Variants in KRIT1 observed in about 807,000 individuals in gnomAD.
KRIT1 encodes krev interaction trapped protein 1.
In KRIT1, 45 loss-of-function variants were observed where a neutral mutation model predicts 95.8. The observed-to-expected ratio is 0.47, with a 90% CI of 0.37 to 0.60. The LOEUF is 0.60. Among genes scored for constraint, KRIT1 ranks in the 20% least tolerant of loss-of-function variants. KRIT1 has a pLI of 0.00. For synonymous variants in KRIT1, 282 were observed against 278.8 expected, an observed-to-expected ratio of 1.01 and a Z score of -0.11; for missense variants, 788 against 877.5, an observed-to-expected ratio of 0.90 and a Z score of 1.29.
chr7:92,220,196 G>A (rs886328006), intron 14 of KRIT1, among the ~76,000 whole-genome samples: 7 of 152,086 alleles, frequency 4.6e-5, no homozygotes, highest in Non-Finnish European at 1.0e-4. Flanking sequence ...TGAGAAGTTC[G>A]CTTGTATTCC....
chr7:92,210,225 T>C (rs1159604948), intron 17 of KRIT1, among the ~76,000 whole-genome samples: 1 of 152,054 alleles, frequency 6.6e-6, no homozygotes, highest in Non-Finnish European at 1.5e-5. Flanking sequence ...AGATTCCAAA[T>C]AGCCAAACCA....
intron 17 of KRIT1, chr7:92,203,933 T>C (rs544070165): frequency 2.6e-5 from 4 of 152,486 alleles, no homozygotes; most frequent in Middle Eastern, 4.2e-3. Flanking sequence ...GTGGGCAAAA[T>C]AGTTTTAACA....
intron 17 of KRIT1, chr7:92,206,566 C>T (rs1329961156): frequency 6.6e-6 from 1 of 151,382 alleles, no homozygotes; most frequent in African/African-American, 2.4e-5. Context: ...ACTATAGCTA[C>T]ATCTACAGGA....
At chr7:92,207,749 C>A (rs1403860762) in intron 17 of KRIT1, among the ~76,000 whole-genome samples, 1 of 152,088 alleles carries the variant, frequency 6.6e-6, no homozygotes, top group Non-Finnish European at 1.5e-5. Context: ...CCCAGCTACT[C>A]AGGAGGCTAA....
In KRIT1 at chr7:92,235,391, T is replaced by C; in HGVS notation, c.729+12A>G. 1.9e-6 allele frequency: 3 copies of C among 1,613,322 alleles called. No homozygotes were observed. Among genetic ancestry groups the C allele is most frequent in the Non-Finnish European group, 2.5e-6 (3 of 1,179,526 alleles). On this transcript the variant is annotated intron_variant, in intron 8 of 18. Coordinates refer to ENST00000394505, the MANE Select transcript of KRIT1 (RefSeq NM_194454.3). ...TCTTTTAAATCAGAGCTAAAATTCA[T>C]TCAACTCTTACCCGATTTGTATACT...
At chr7:92,206,142 C>T in intron 17 of KRIT1, 1 of 153,214 alleles carries the variant, frequency 6.5e-6, no homozygotes, top group Non-Finnish European at 1.5e-5. Flanking sequence ...CCTAAGCATG[C>T]CATCTAAGGG....
At chr7:92,224,088 CGT>C (rs1795727044) in intron 12 of KRIT1, among the ~76,000 whole-genome samples, 7 of 152,050 alleles carry the variant, frequency 4.6e-5, no homozygotes. Flanking sequence ...AAAATGCGTG[CGT>C]GTGTGGTATG....
downstream of KRIT1, chr7:92,199,228 T>A (rs939862469): frequency 1.3e-5 from 2 of 152,216 alleles, no homozygotes; most frequent in Non-Finnish European, 2.9e-5. Context: ...GAATCAAAAG[T>A]ACCTAGCACA....
rs991503999 is a variant in KRIT1 at position 92,244,118 on chromosome 7, G to A, written c.-119C>T. 3 of 151,956 alleles carry A rather than the reference G, an allele frequency of 2.0e-5. No homozygotes were observed. The highest frequency in any genetic ancestry group is 4.8e-5 in the African/African-American group (2 of 41,374). 9.4% of individuals were successfully genotyped at this position (151,956 alleles called of 1,614,324 possible). On this transcript the variant is annotated 5_prime_UTR_variant, in exon 3 of 19. It adds an upstream start codon to the 5' untranslated region. Transcript: ENST00000394505. ...TAACAATGACTTCAAGATAATAAAC[G>A]TTTACAAATTATGAGACAGACGCAT...
intron 10 of KRIT1, among the ~76,000 whole-genome samples, chr7:92,228,273 G>A (rs1044853409): frequency 4.6e-5 from 7 of 152,244 alleles, no homozygotes; most frequent in African/African-American, 1.7e-4. Flanking sequence ...TACGCACACA[G>A]TGAGTCAACC....
chr7:92,200,692 C>A lies in KRIT1; in HGVS notation c.*44G>T, dbSNP rs1303888609. The A allele has an allele frequency of 8.0e-7, 1 of 1,249,858 alleles. No individual in the cohort carries two copies. Among genetic ancestry groups the A allele is most frequent in the Non-Finnish European group, 1.2e-6 (1 of 847,886 alleles). The allele number at this position is 1,249,858 out of a possible 1,614,324, so 77.4% of individuals were successfully genotyped here. A position where few individuals can be genotyped will look rare whatever the true frequency, so the allele number is the denominator to read the frequency against. Reference sequence around the variant, plus strand: ...AGAAATCTTTCACGGAAAAAAAACTCTGCATTACAAAATGTGGTGGCTTGA... The same window carrying A: ...AGAAATCTTTCACGGAAAAAAAACTATGCATTACAAAATGTGGTGGCTTGA... On this transcript the variant is annotated 3_prime_UTR_variant, in exon 19 of 19. Coordinates refer to ENST00000394505, the MANE Select transcript of KRIT1 (RefSeq NM_194454.3).
Position 92,223,265 on chromosome 7 carries a change from T to C in KRIT1, c.1255-287A>G, listed in dbSNP as rs544519774. On this transcript the variant is annotated intron_variant, in intron 12 of 18. Coordinates refer to ENST00000394505, the MANE Select transcript of KRIT1 (RefSeq NM_194454.3). ...TAACATGGTGAAACCCCGTCTCTAC[T>C]AAAAATACAAAAAAAAAAAAAAAAA... Among the ~76,000 whole-genome samples, 5 of 57,296 alleles carry C rather than the reference T, an allele frequency of 8.7e-5. No individual in the cohort carries two copies. In the South Asian group the frequency reaches 1.8e-3, roughly 21 times the overall value. 37.6% of individuals were successfully genotyped at this position (57,296 alleles called of 152,430 possible).
At chr7:92,229,711 T>C (rs1344886733) in intron 10 of KRIT1, among the ~76,000 whole-genome samples, 1 of 152,258 alleles carries the variant, frequency 6.6e-6, no homozygotes, top group Non-Finnish European at 1.5e-5. Context: ...TTTAGCATTC[T>C]ATTTTTGCTT....
chr7:92,240,241 C>A (rs944495080), intron 5 of KRIT1, among the ~76,000 whole-genome samples: 4 of 152,122 alleles, frequency 2.6e-5, no homozygotes, highest in African/African-American at 9.7e-5. Context: ...ATCTCTGCAA[C>A]AAAAACCATC....
chr7:92,225,964 G>C, intron 11 of KRIT1, 137 bp from the exon 12 acceptor site: 2 of 633,000 alleles, frequency 3.2e-6, no homozygotes, highest in South Asian at 3.8e-5. Context: ...ACCACACTTG[G>C]TATGTATTAT....
chr7:92,221,789 G>C, intron 14 of KRIT1, 113 bp downstream of exon 14: 1 of 850,490 alleles, frequency 1.2e-6, no homozygotes, highest in Non-Finnish European at 1.9e-6. Flanking sequence ...TTATCACAGG[G>C]ATGTAAGGAT....
chr7:92,245,107 C>T lies in KRIT1; in HGVS notation c.-356G>A, dbSNP rs117169559. On this transcript the variant is annotated 5_prime_UTR_variant, in exon 2 of 19. Coordinates refer to ENST00000394505, the MANE Select transcript of KRIT1 (RefSeq NM_194454.3). ...AATGAGGCTGAGATCCTGAGTTGGA[C>T]CACCGAGATGAAAGACTTCTGGTGA... is the stretch of plus-strand genomic sequence containing the variant. The T allele has an allele frequency of 7.3e-3, 1,115 of 152,122 alleles. 8 individuals carry two copies. Among genetic ancestry groups the T allele is most frequent in the Non-Finnish European group, 0.011 (740 of 68,032 alleles). 9.4% of individuals were successfully genotyped at this position (152,122 alleles called of 1,614,324 possible). A position where few individuals can be genotyped will look rare whatever the true frequency, so the allele number is the denominator to read the frequency against.
At chr7:92,235,249 C>T (rs1435449441) in intron 8 of KRIT1, among the ~76,000 whole-genome samples, 154 bp downstream of exon 8, 2 of 152,160 alleles carry the variant, frequency 1.3e-5, no homozygotes, top group African/African-American at 4.8e-5. Flanking sequence ...ATCTGCCCTC[C>T]TTGGCCTCCC....
At chr7:92,242,980 G>A (rs1171185469) in intron 3 of KRIT1, among the ~76,000 whole-genome samples, 3 of 152,054 alleles carry the variant, frequency 2.0e-5, no homozygotes, top group Non-Finnish European at 2.9e-5. Context: ...CACCATGCTC[G>A]GCTAATTTTT....
Sources: gnomAD v4.1 joint callset for allele counts (sites outside exome capture counted in the v4.1 genomes callset) on GRCh38, gnomAD v4.1.1 for gene constraint, MANE v1.5 for transcripts, NCBI Gene and HGNC (gene_info 2026-07-23, HGNC 2026-07-21) for gene names.